The following MAN1C1 variants were observed in gnomAD, a reference collection of about 807,000 sequenced individuals.
MAN1C1 encodes mannosidase alpha class 1C member 1.
Under a neutral mutation model 71.5 loss-of-function variants are expected in MAN1C1, and 49 were observed. The ratio of observed to expected loss-of-function variants is 0.69; its 90% CI spans 0.54 to 0.87. MAN1C1 has a LOEUF of 0.87. MAN1C1 is among the 40% of genes least tolerant of loss of function. The probability of loss-of-function intolerance (pLI) is 0.00; values close to 1 mark genes in which losing one functional copy is unlikely to be tolerated. For synonymous variants in MAN1C1, 352 were observed against 343.7 expected, an observed-to-expected ratio of 1.02 and a Z score of -0.27; for missense variants, 743 against 835.0, an observed-to-expected ratio of 0.89 and a Z score of 1.36.
intron 1 of MAN1C1, among the ~76,000 whole-genome samples, chr1:25,619,505 C>T (rs2045173160): frequency 1.3e-5 from 2 of 152,182 alleles, no homozygotes; most frequent in African/African-American, 2.4e-5. Context: ...TCTGAACCAT[C>T]CTCCCTTCCA....
intron 2 of MAN1C1, among the ~76,000 whole-genome samples, chr1:25,692,417 G>T (rs372099396): frequency 1.3e-5 from 2 of 152,208 alleles, no homozygotes; most frequent in East Asian, 3.9e-4. Flanking sequence ...AATTCAGACG[G>T]GGTCTTGCTG....
At chr1:25,726,448 T>G (rs1252531109) in intron 2 of MAN1C1, among the ~76,000 whole-genome samples, 1 of 152,136 alleles carries the variant, frequency 6.6e-6, no homozygotes, top group Non-Finnish European at 1.5e-5. Flanking sequence ...CCAGATCCCA[T>G]CCAATGTCAT....
At chr1:25,757,575 A>G (rs537692411) in intron 5 of MAN1C1, among the ~76,000 whole-genome samples, 1 of 152,248 alleles carries the variant, frequency 6.6e-6, no homozygotes, top group Admixed American at 6.5e-5. Context: ...ACAAAAGCCC[A>G]GGAAGGAGGA....
At position 25,769,131 on chromosome 1, in the gene MAN1C1, AC is replaced by A. The variant is rs1324423578; in HGVS notation, c.1142-2525del. Among the ~76,000 whole-genome samples the A allele has an allele frequency of 7.7e-6, 1 of 129,930 alleles. No individual in the cohort carries two copies. Among genetic ancestry groups the A allele is most frequent in the African/African-American group, 3.0e-5 (1 of 33,510 alleles). The allele number at this position is 129,930 out of a possible 152,430, so 85.2% of individuals were successfully genotyped here. A position where few individuals can be genotyped will look rare whatever the true frequency, so the allele number is the denominator to read the frequency against. ...CACACACACACCACACACTCCCTTC[AC>A]ACACTACACACTCCCCTCACACATT... On this transcript the variant is annotated intron_variant, in intron 7 of 11. Transcript: ENST00000374332. This position sits in a 1 kb window ranked among gnomAD's most constrained non-coding sequence, Gnocchi z 4.8.
intron 2 of MAN1C1, among the ~76,000 whole-genome samples, chr1:25,719,780 T>TTTTGTTTG (rs573468036): frequency 6.6e-6 from 1 of 152,036 alleles, no homozygotes; most frequent in African/African-American, 2.4e-5. Flanking sequence ...CTCATTGTTA[T>TTTTGTTTG]TTTGTTTGTT....
Position 25,656,524 on chromosome 1 carries a change from A to G in MAN1C1, c.541-29916A>G, listed in dbSNP as rs188917708. Among the ~76,000 whole-genome samples the G allele has an allele frequency of 3.3e-5, 5 of 152,222 alleles. No individual in the cohort carries two copies. The East Asian group carries it at 7.7e-4, about 24-fold the overall frequency. ...AGTGTTCACTGAAATACTTTCTTCA[A>G]TGTTACAGGGTCAGCTTCATGTTTG... is the stretch of plus-strand genomic sequence containing the variant. On this transcript the variant is annotated intron_variant, in intron 1 of 11. Coordinates refer to ENST00000374332, the MANE Select transcript of MAN1C1 (RefSeq NM_020379.4).
Position 25,782,745 on chromosome 1 carries a change from G to C in MAN1C1, c.1766+45G>C, listed in dbSNP as rs1266988134. On this transcript the variant is annotated intron_variant, in intron 11 of 11. Coordinates refer to ENST00000374332, the MANE Select transcript of MAN1C1 (RefSeq NM_020379.4). This position sits in a 1 kb window ranked among gnomAD's most constrained non-coding sequence, Gnocchi z 4.4. ...CCTAGGGATGGACAGGTGGGAGGTT[G>C]AGGGTAGGGGTCCGCAGTCCCTCCC... is the stretch of plus-strand genomic sequence containing the variant. The C allele has an allele frequency of 6.9e-7, 1 of 1,455,248 alleles. No homozygotes were observed. Among genetic ancestry groups the C allele is most frequent in the Admixed American group, 1.7e-5 (1 of 59,468 alleles). 90.1% of individuals were successfully genotyped at this position (1,455,248 alleles called of 1,614,324 possible).
At chr1:25,673,317 A>G (rs1251263863) in intron 1 of MAN1C1, among the ~76,000 whole-genome samples, 1 of 152,086 alleles carries the variant, frequency 6.6e-6, no homozygotes, top group Non-Finnish European at 1.5e-5. Flanking sequence ...GCACCCAGAG[A>G]AGGCAGGCAC....
chr1:25,666,641 C>T (rs569320310), intron 1 of MAN1C1, among the ~76,000 whole-genome samples: 13 of 152,308 alleles, frequency 8.5e-5, no homozygotes, highest in African/African-American at 1.4e-4. Flanking sequence ...GCAGCTGAGC[C>T]GACATCGTTT....
At chr1:25,755,470 C>T (rs922066523) in intron 5 of MAN1C1, among the ~76,000 whole-genome samples, 40 of 152,192 alleles carry the variant, frequency 2.6e-4, no homozygotes, top group Non-Finnish European at 1.5e-5. Context: ...CATTCACAAA[C>T]GAATATCCAT....
intron 7 of MAN1C1, among the ~76,000 whole-genome samples, chr1:25,765,619 C>T (rs564444509): frequency 6.6e-6 from 1 of 152,176 alleles, no homozygotes; most frequent in Non-Finnish European, 1.5e-5. Context: ...CTTTGTGTGC[C>T]ATGGAGGGGC....
At chr1:25,768,776 C>T (rs1238551746) in intron 7 of MAN1C1, among the ~76,000 whole-genome samples, 3 of 147,386 alleles carry the variant, frequency 2.0e-5, no homozygotes, top group Non-Finnish European at 4.5e-5. Flanking sequence ...CCACACTCCC[C>T]TCACACATAC....
intron 7 of MAN1C1, among the ~76,000 whole-genome samples, chr1:25,767,661 ACC>A (rs2047457736): frequency 1.2e-5 from 1 of 80,798 alleles, no homozygotes; most frequent in Non-Finnish European, 2.3e-5. Flanking sequence ...CCACACACAG[ACC>A]CACACAGCCA....
intron 1 of MAN1C1, among the ~76,000 whole-genome samples, chr1:25,683,757 G>C (rs758755808): frequency 2.0e-5 from 3 of 152,158 alleles, no homozygotes; most frequent in Non-Finnish European, 4.4e-5. Flanking sequence ...TAGGGAGAGA[G>C]AGAAGGACCA....
chr1:25,710,996 C>A (rs750168112), intron 2 of MAN1C1, among the ~76,000 whole-genome samples: 9 of 152,136 alleles, frequency 5.9e-5, no homozygotes, highest in Non-Finnish European at 1.2e-4. Flanking sequence ...AACAAACCAC[C>A]CTGAAACTTA....
intron 1 of MAN1C1, among the ~76,000 whole-genome samples, chr1:25,651,445 C>T (rs1281700421): frequency 4.6e-5 from 7 of 152,226 alleles, no homozygotes; most frequent in African/African-American, 1.7e-4. Flanking sequence ...GTGGGATGGA[C>T]TCCTGTTTCC....
intron 1 of MAN1C1, among the ~76,000 whole-genome samples, chr1:25,637,840 C>T (rs2045484299): frequency 6.6e-6 from 1 of 151,770 alleles, no homozygotes; most frequent in Non-Finnish European, 1.5e-5. Context: ...TATATTTTAC[C>T]TGATTGATAT....
chr1:25,753,571 T>C lies in MAN1C1; in HGVS notation c.922T>C (p.Phe308Leu), dbSNP rs1458227942. The C allele has an allele frequency of 1.2e-6, 2 of 1,613,280 alleles. No homozygotes were observed. Among genetic ancestry groups the C allele is most frequent in the Non-Finnish European group, 1.7e-6 (2 of 1,179,652 alleles). The change falls in exon 5 of 12, where the codon TTC (phenylalanine) becomes CTC (leucine). Residue 308 changes from phenylalanine (F) to leucine (L), a missense_variant. Physicochemically the swap from Phe to Leu is conservative, Grantham distance 22. Coordinates refer to ENST00000374332, the MANE Select transcript of MAN1C1 (RefSeq NM_020379.4). The surrounding 1 kb of genome is among the most constrained non-coding windows in gnomAD (Gnocchi z 4.9). Reference sequence around the variant, plus strand: ...GGGAATCCCAAAGGGCGTGGTGAGCTTCAAAAGGTAGGGCGCCATCGCGTT... The same window carrying C: ...GGGAATCCCAAAGGGCGTGGTGAGCCTCAAAAGGTAGGGCGCCATCGCGTT... ...PTGIPKGVVS[F>L]KSGNWGWATA...
intron 1 of MAN1C1, among the ~76,000 whole-genome samples, chr1:25,624,684 T>C (rs1293029976): frequency 1.3e-5 from 2 of 152,242 alleles, no homozygotes. Context: ...GTGAACCTTC[T>C]GGGCAAACAA....
Sources: allele counts gnomAD v4.1 joint callset (sites outside exome capture counted in the v4.1 genomes callset), GRCh38; gene constraint gnomAD v4.1.1; non-coding constraint Gnocchi (gnomAD v3.1); transcripts MANE v1.5; gene names NCBI Gene and HGNC (gene_info 2026-07-23, HGNC 2026-07-21).